The following SLC16A13 variants were observed in gnomAD, a reference collection of about 807,000 sequenced individuals.
SLC16A13 encodes the protein monocarboxylate transporter 13.
In SLC16A13, 28 loss-of-function variants were observed where a neutral mutation model predicts 28.1. The ratio of observed to expected loss-of-function variants is 1.00; its 90% CI spans 0.74 to 1.37. SLC16A13 has a LOEUF of 1.37. SLC16A13 is among the 40% of genes most tolerant of loss of function. SLC16A13 has a pLI of 0.00. For missense variants in SLC16A13, 482 were observed against 531.8 expected, an observed-to-expected ratio of 0.91 and a Z score of 0.92; for synonymous variants, 228 against 241.6, an observed-to-expected ratio of 0.94 and a Z score of 0.52.
rs771399141 is a variant in SLC16A13, at chr17:7,036,773, G to A, written c.246G>A (p.Val82=). The change falls in exon 2 of 4, where the codon GTG becomes GTA. Residue 82 remains valine (V), a synonymous_variant. Transcript: ENST00000308027. The stretch of plus-strand genomic sequence containing the variant: ...GCACGAAGTTCGGGCCCAGGCCCGT[G>A]GTGATGACTGGAGGCATCTTGGCTG... ...ALSTKFGPRP[V]VMTGGILAAL... The A allele has an allele frequency of 1.3e-5, 21 of 1,613,696 alleles. No individual in the cohort carries two copies. In the African/African-American group the frequency reaches 2.1e-4, roughly 16 times the overall value.
In SLC16A13 at chr17:7,036,260, C is replaced by G; in HGVS notation, c.-123C>G. ...GCCTCGTCGGGCCCTTCCTCTCTAC[C>G]TGCCTCTCCAACCCCTCTCGGCCCC... On this transcript the variant is annotated 5_prime_UTR_variant, in exon 1 of 4. Coordinates refer to ENST00000308027, the MANE Select transcript of SLC16A13 (RefSeq NM_201566.3). 1 of 975,086 alleles carries G rather than the reference C, an allele frequency of 1.0e-6. No homozygotes were observed. Among genetic ancestry groups the G allele is most frequent in the Non-Finnish European group, 1.5e-6 (1 of 659,392 alleles). The allele number at this position is 975,086 out of a possible 1,614,324, so 60.4% of individuals were successfully genotyped here.
chr17:7,038,070 T>G lies in SLC16A13; in HGVS notation c.344-82T>G, dbSNP rs1340511980. The G allele has an allele frequency of 6.7e-6, 10 of 1,492,152 alleles. No individual in the cohort carries two copies. Among genetic ancestry groups the G allele is most frequent in the Non-Finnish European group, 9.0e-6 (10 of 1,109,674 alleles). The allele number at this position is 1,492,152 out of a possible 1,614,324, so 92.4% of individuals were successfully genotyped here. ...GTGGGACTCCGAAGCAAGTGCTACATTCTGCTGCTGGGCAATGCGGGGATT... is the reference window on the plus strand; with the variant it reads ...GTGGGACTCCGAAGCAAGTGCTACAGTCTGCTGCTGGGCAATGCGGGGATT... On this transcript the variant is annotated intron_variant, in intron 2 of 3. Transcript: ENST00000308027. The surrounding 1 kb of genome is among the most constrained non-coding windows in gnomAD (Gnocchi z 5.7).
Position 7,039,862 on chromosome 17 carries a change from T to G in SLC16A13, c.1181T>G (p.Phe394Cys), listed in dbSNP as rs1235501884. The part of the protein sequence containing the change: ...GSGILLTLPH[F>C]FCFSTTTSGP... ...GGCATTCTCCTCACCCTGCCCCACTTCTTCTGCTTCTCAACTACTACCTCC... is the reference window on the plus strand; with the variant it reads ...GGCATTCTCCTCACCCTGCCCCACTGCTTCTGCTTCTCAACTACTACCTCC... Residue 394 changes from phenylalanine to cysteine, a missense_variant, in exon 4 of 4, where the codon TTC becomes TGC. Phe to Cys is a radical substitution (Grantham distance 205). Coordinates refer to ENST00000308027, the MANE Select transcript of SLC16A13 (RefSeq NM_201566.3). This position sits in a 1 kb window ranked among gnomAD's most constrained non-coding sequence, Gnocchi z 4.3. 3 of 1,614,100 alleles carry G rather than the reference T, an allele frequency of 1.9e-6. No homozygotes were observed. The highest frequency in any genetic ancestry group is 2.5e-6 in the Non-Finnish European group (3 of 1,180,004).
chr17:7,038,845 A>C lies in SLC16A13; in HGVS notation c.1037A>C (p.Gln346Pro). ...ATTTACTGTGGCCTGGGACTGTTGC[A>C]GATGATAGAGAGCATCGGGGGGCTG... is the stretch of plus-strand genomic sequence containing the variant. ...RRIYCGLGLL[Q>P]MIESIGGLLG... is the part of the protein sequence containing the mutation. The change falls in exon 3 of 4, where the codon CAG (glutamine) becomes CCG (proline). Residue 346 changes from glutamine to proline, a missense_variant. Gln to Pro is a moderately conservative substitution (Grantham distance 76). Coordinates refer to ENST00000308027, the MANE Select transcript of SLC16A13 (RefSeq NM_201566.3). This position sits in a 1 kb window ranked among gnomAD's most constrained non-coding sequence, Gnocchi z 5.7. 6.2e-7 allele frequency: 1 copy of C among 1,613,356 alleles called. No individual in the cohort carries two copies. Among genetic ancestry groups the C allele is most frequent in the Non-Finnish European group, 8.5e-7 (1 of 1,179,666 alleles).
At position 7,036,199 on chromosome 17, in the gene SLC16A13, G is replaced by T. The variant is rs906669953; in HGVS notation, c.-184G>T. ...CGGGCCAGGTCTTCAGTCCTATATC[G>T]CCCCGCCTTGGGAAAAGGTGCAGGG... On this transcript the variant is annotated 5_prime_UTR_variant, in exon 1 of 4. Transcript: ENST00000308027. 6.5e-6 allele frequency: 4 copies of T among 615,678 alleles called. No homozygotes were observed. Among genetic ancestry groups the T allele is most frequent in the African/African-American group, 3.7e-5 (2 of 54,104 alleles). 38.1% of individuals were successfully genotyped at this position (615,678 alleles called of 1,614,324 possible).
chr17:7,037,589 G>A (rs1441067920), intron 2 of SLC16A13, among the ~76,000 whole-genome samples: 1 of 151,664 alleles, frequency 6.6e-6, no homozygotes, highest in East Asian at 1.9e-4. Flanking sequence ...AGCTGGGCGT[G>A]GTGGCAGGTG....
chr17:7,036,514 G>C lies in SLC16A13; in HGVS notation c.132G>C (p.Ala44=). The change falls in exon 1 of 4, where the codon GCG becomes GCC. Residue 44 remains alanine, a synonymous_variant. Coordinates refer to ENST00000308027, the MANE Select transcript of SLC16A13 (RefSeq NM_201566.3). ...TCTTCTTCGTGGAGTTTGTGGCGGC[G>C]TTTGAGGAGCAGGCAGCGCGCGTCT... ...FGVFFVEFVA[A]FEEQAARVSW... is the part of the protein sequence containing the mutation. 3 of 1,612,538 alleles carry C rather than the reference G, an allele frequency of 1.9e-6. No homozygotes were observed. The highest frequency in any genetic ancestry group is 2.5e-6 in the Non-Finnish European group (3 of 1,180,034).
chr17:7,036,072 C>A lies in SLC16A13; in HGVS notation c.-311C>A, dbSNP rs1342314787. ...CCAAACTCAGTTCCACCCTCTGGCTCCCAGCCGAACACCGAACCGGGACCG... is the reference window on the plus strand; with the variant it reads ...CCAAACTCAGTTCCACCCTCTGGCTACCAGCCGAACACCGAACCGGGACCG... On this transcript the variant is annotated 5_prime_UTR_variant, in exon 1 of 4. Transcript: ENST00000308027. The A allele has an allele frequency of 3.4e-6, 1 of 291,004 alleles. No individual in the cohort carries two copies. The highest frequency in any genetic ancestry group is 6.0e-5 in the East Asian group (1 of 16,640). 18.0% of individuals were successfully genotyped at this position (291,004 alleles called of 1,614,324 possible).
chr17:7,039,655 C>T lies in SLC16A13; in HGVS notation c.1082-108C>T. ...TTTATCCAACTATTCCATGGGAGTT[C>T]CAACTCCTCTGAGATGATAAGTCTT... On this transcript the variant is annotated intron_variant, in intron 3 of 3. Transcript: ENST00000308027. This position sits in a 1 kb window ranked among gnomAD's most constrained non-coding sequence, Gnocchi z 4.3. The T allele has an allele frequency of 8.6e-7, 1 of 1,169,056 alleles. No individual in the cohort carries two copies. The highest frequency in any genetic ancestry group is 2.4e-5 in the East Asian group (1 of 42,336). 72.4% of individuals were successfully genotyped at this position (1,169,056 alleles called of 1,614,324 possible). A position where few individuals can be genotyped will look rare whatever the true frequency, so the allele number is the denominator to read the frequency against.
At position 7,036,167 on chromosome 17, in the gene SLC16A13, G is replaced by A. The variant is rs1019536436; in HGVS notation, c.-216G>A. 1.6e-5 allele frequency: 8 copies of A among 511,020 alleles called. No homozygotes were observed. Among genetic ancestry groups the A allele is most frequent in the Non-Finnish European group, 2.4e-5 (7 of 290,578 alleles). 31.7% of individuals were successfully genotyped at this position (511,020 alleles called of 1,614,324 possible). ...CACGCCCCCGGGAGACTCTGGCCCG[G>A]CCAGCGCGGGCCAGGTCTTCAGTCC... is the stretch of plus-strand genomic sequence containing the variant. On this transcript the variant is annotated 5_prime_UTR_variant, in exon 1 of 4. Coordinates refer to ENST00000308027, the MANE Select transcript of SLC16A13 (RefSeq NM_201566.3).
intron 1 of SLC16A13, 27 bp downstream of exon 1, chr17:7,036,608 A>C: frequency 6.2e-7 from 1 of 1,611,618 alleles, no homozygotes; most frequent in Non-Finnish European, 8.5e-7. Flanking sequence ...GATCTGGCGG[A>C]CTGCGACCCT....
Position 7,036,305 on chromosome 17 carries a change from G to A in SLC16A13, c.-78G>A, listed in dbSNP as rs1237573449. 2.8e-6 allele frequency: 4 copies of A among 1,436,752 alleles called. No individual in the cohort carries two copies. The Admixed American group carries it at 6.6e-5, about 24-fold the overall frequency. 89.0% of individuals were successfully genotyped at this position (1,436,752 alleles called of 1,614,324 possible). On this transcript the variant is annotated 5_prime_UTR_variant, in exon 1 of 4. The change creates a new upstream start codon in the 5' untranslated region. Transcript: ENST00000308027. ...GGCCCCGAGCCACCCGGCAGCGGGGGTGGGTGTGCAGAGGTGCGGCGTCCA... is the reference window on the plus strand; with the variant it reads ...GGCCCCGAGCCACCCGGCAGCGGGGATGGGTGTGCAGAGGTGCGGCGTCCA...
intron 2 of SLC16A13, among the ~76,000 whole-genome samples, chr17:7,037,493 G>A (rs1412222902): frequency 6.6e-6 from 1 of 151,820 alleles, no homozygotes; most frequent in Non-Finnish European, 1.5e-5. Flanking sequence ...TTGGGAGGCC[G>A]AGGCGGGCGG....
In SLC16A13 at chr17:7,036,824, T is replaced by G; in HGVS notation, c.297T>G (p.Phe99Leu). The change falls in exon 2 of 4, where the codon TTT (phenylalanine) becomes TTG (leucine). Residue 99 changes from phenylalanine to leucine, a missense_variant. Phe to Leu is a conservative substitution (Grantham distance 22). Coordinates refer to ENST00000308027, the MANE Select transcript of SLC16A13 (RefSeq NM_201566.3). ...LAALGMLLAS[F>L]ATSLTHLYLS... ...CGCTGGGGATGCTGCTCGCCTCTTT[T>G]GCTACTTCCTTGACCCACCTATACC... 1 of 1,613,862 alleles carries G rather than the reference T, an allele frequency of 6.2e-7. No individual in the cohort carries two copies. Among genetic ancestry groups the G allele is most frequent in the South Asian group, 1.1e-5 (1 of 91,088 alleles).
intron 2 of SLC16A13, among the ~76,000 whole-genome samples, chr17:7,037,747 A>G (rs958337012): frequency 1.3e-5 from 2 of 151,970 alleles, no homozygotes; most frequent in African/African-American, 4.8e-5. Context: ...AGAAAAAAAA[A>G]GGTGCTAGGT....
rs767892924 is a variant in SLC16A13, at chr17:7,038,422, C to T, written c.614C>T (p.Ala205Val). ...AEDPAVGGPR[A>V]QLTSLLHHGP... Reference sequence around the variant, plus strand: ...GACCCTGCTGTGGGTGGTCCCAGGGCCCAACTCACCTCTCTCCTCCATCAT... The same window carrying T: ...GACCCTGCTGTGGGTGGTCCCAGGGTCCAACTCACCTCTCTCCTCCATCAT... Residue 205 changes from alanine to valine, a missense_variant, in exon 3 of 4, where the codon GCC becomes GTC. Transcript: ENST00000308027. The surrounding 1 kb of genome is among the most constrained non-coding windows in gnomAD (Gnocchi z 5.7). 1.9e-6 allele frequency: 3 copies of T among 1,613,992 alleles called. No individual in the cohort carries two copies. The highest frequency in any genetic ancestry group is 1.3e-5 in the African/African-American group (1 of 74,894).
At position 7,039,107 on chromosome 17, in the gene SLC16A13, C is replaced by T. The variant is rs968457766; in HGVS notation, c.1081+218C>T. Among the ~76,000 whole-genome samples the T allele has an allele frequency of 6.6e-6, 1 of 152,136 alleles. No individual in the cohort carries two copies. Among genetic ancestry groups the T allele is most frequent in the Non-Finnish European group, 1.5e-5 (1 of 68,030 alleles). ...AAGACAAAAAGAAGCTAAGTGGAAC[C>T]CTTGGCAGGGTGCCTACGGCTTGGG... is the stretch of plus-strand genomic sequence containing the variant. On this transcript the variant is annotated intron_variant, in intron 3 of 3. Coordinates refer to ENST00000308027, the MANE Select transcript of SLC16A13 (RefSeq NM_201566.3). The surrounding 1 kb of genome is among the most constrained non-coding windows in gnomAD (Gnocchi z 4.3).
At chr17:7,037,333 T>C (rs111485104) in intron 2 of SLC16A13, among the ~76,000 whole-genome samples, 388 of 8,440 alleles carry the variant, frequency 0.046, no homozygotes, top group Middle Eastern at 0.17. Flanking sequence ...CAGAGCAAGA[T>C]TCTGTCTCAA....
rs11078663 is a variant in SLC16A13 at position 7,038,789 on chromosome 17, C to T, written c.981C>T (p.Ser327=). 0.56 allele frequency: 899,690 copies of T among 1,613,854 alleles called. 263,566 individuals are homozygous for T. The highest frequency in any genetic ancestry group is 0.61 in the Non-Finnish European group (715,194 of 1,179,950). ...GGGCTCTGGCCCCACTGGCCTTCTC[C>T]GTGCTGCCTGAACTAATAGGGACTA... The part of the protein sequence containing the change: ...TSGALAPLAF[S]VLPELIGTRR... The change falls in exon 3 of 4, where the codon TCC becomes TCT. Residue 327 remains serine (S), a synonymous_variant. Coordinates refer to ENST00000308027, the MANE Select transcript of SLC16A13 (RefSeq NM_201566.3). This position sits in a 1 kb window ranked among gnomAD's most constrained non-coding sequence, Gnocchi z 5.7.
Sources: allele counts gnomAD v4.1 joint callset (sites outside exome capture counted in the v4.1 genomes callset), GRCh38; gene constraint gnomAD v4.1.1; non-coding constraint Gnocchi (gnomAD v3.1); transcripts MANE v1.5; gene names NCBI Gene and HGNC (gene_info 2026-07-23, HGNC 2026-07-21).